TFDP2: variants seen among roughly 807,000 people sequenced by gnomAD.
TFDP2 encodes the protein transcription factor Dp-2.
A neutral mutation model predicts 59.3 loss-of-function variants in TFDP2; 17 were observed. That is an observed-to-expected ratio of 0.29 (90% CI 0.20 to 0.43). TFDP2 has a LOEUF of 0.43. TFDP2 is among the 20% of genes least tolerant of loss of function. The probability of loss-of-function intolerance (pLI) is 1.00; values close to 1 mark genes in which losing one functional copy is unlikely to be tolerated. For synonymous variants in TFDP2, 180 were observed against 194.7 expected (o/e 0.92, Z 0.63); for missense variants, 391 against 528.8 (o/e 0.74, Z 2.56).
At chr3:142,050,223 C>T (rs1947542923) in intron 3 of TFDP2, among the ~76,000 whole-genome samples, 1 of 148,468 alleles carries the variant, frequency 6.7e-6, no homozygotes, top group Non-Finnish European at 1.5e-5. Context: ...AAGATCCAGC[C>T]ACTGCACTCC....
At chr3:141,984,814 G>A (rs1322918989) in intron 6 of TFDP2, among the ~76,000 whole-genome samples, 2 of 152,164 alleles carry the variant, frequency 1.3e-5, no homozygotes, top group East Asian at 1.9e-4. Context: ...TGTAGTTTAT[G>A]TATTATGTAT....
chr3:142,082,057 T>C (rs1371937152), intron 3 of TFDP2, among the ~76,000 whole-genome samples: 1 of 152,170 alleles, frequency 6.6e-6, no homozygotes, highest in East Asian at 1.9e-4. Flanking sequence ...CAGCTTCATC[T>C]GTATTTACAG....
chr3:142,009,466 T>C (rs6440057), intron 3 of TFDP2, among the ~76,000 whole-genome samples: 39,254 of 151,802 alleles, frequency 0.26, 5,105 homozygotes, highest in African/African-American at 0.28. Flanking sequence ...AATCCCAGCA[T>C]TTTGGGAAGC....
At chr3:142,088,859 G>T (rs1379592507) in intron 3 of TFDP2, among the ~76,000 whole-genome samples, 3 of 149,788 alleles carry the variant, frequency 2.0e-5, no homozygotes. Flanking sequence ...ACGGAGTCTT[G>T]CTCTGTCACC....
At chr3:141,984,007 C>T (rs191910185) in intron 6 of TFDP2, among the ~76,000 whole-genome samples, 3 of 152,310 alleles carry the variant, frequency 2.0e-5, no homozygotes, top group African/African-American at 2.4e-5. Context: ...GATATTTGTA[C>T]ACCCATGCTC....
Position 141,949,196 on chromosome 3 carries a change from A to G in TFDP2, c.*3317T>C, listed in dbSNP as rs571859367. ...GGCAGAGTACTGTTAACAACTGTAA[A>G]ATTTGCTAATGGAAGGAGTTATCCT... is the stretch of plus-strand genomic sequence containing the variant. On this transcript the variant is annotated 3_prime_UTR_variant, in exon 13 of 13. Coordinates refer to ENST00000489671, the MANE Select transcript of TFDP2 (RefSeq NM_001178139.2). 8 of 152,278 alleles carry G rather than the reference A, an allele frequency of 5.3e-5. No homozygotes were observed. The South Asian group carries it at 1.7e-3, about 32-fold the overall frequency. 9.4% of individuals were successfully genotyped at this position (152,278 alleles called of 1,614,324 possible).
intron 3 of TFDP2, among the ~76,000 whole-genome samples, chr3:142,090,439 A>G (rs1251701057): frequency 1.3e-5 from 2 of 152,192 alleles, no homozygotes; most frequent in Non-Finnish European, 2.9e-5. Context: ...CAGGGCTAAC[A>G]TTTATAACTA....
chr3:142,021,245 C>T (rs1395308697), intron 3 of TFDP2, among the ~76,000 whole-genome samples: 1 of 152,116 alleles, frequency 6.6e-6, no homozygotes, highest in Non-Finnish European at 1.5e-5. Flanking sequence ...TTAAAGTGAC[C>T]TCTGGAACCT....
chr3:142,012,396 T>C (rs999051170), intron 3 of TFDP2, among the ~76,000 whole-genome samples: 2 of 152,214 alleles, frequency 1.3e-5, no homozygotes, highest in Non-Finnish European at 2.9e-5. Context: ...CTGGCTTCTG[T>C]GACATCATGA....
intron 6 of TFDP2, among the ~76,000 whole-genome samples, chr3:141,988,166 G>A (rs1258290074): frequency 3.3e-5 from 5 of 152,042 alleles, no homozygotes; most frequent in East Asian, 1.9e-4. Context: ...GGCTAGTCTC[G>A]AATTCTTGGG....
intron 1 of TFDP2, among the ~76,000 whole-genome samples, chr3:142,116,251 G>GAT (rs1226104646): frequency 6.6e-6 from 1 of 152,072 alleles, no homozygotes; most frequent in Non-Finnish European, 1.5e-5. Context: ...TTTTGGTAGA[G>GAT]ATAGAGTCTC....
intron 3 of TFDP2, among the ~76,000 whole-genome samples, chr3:142,083,404 A>G (rs1244781723): frequency 1.3e-5 from 2 of 152,230 alleles, no homozygotes; most frequent in African/African-American, 4.8e-5. Flanking sequence ...TAGAAGAATC[A>G]GTATTGTTAA....
At chr3:142,139,452 T>C (rs1300882169) in intron 1 of TFDP2, among the ~76,000 whole-genome samples, 1 of 152,226 alleles carries the variant, frequency 6.6e-6, no homozygotes, top group African/African-American at 2.4e-5. Context: ...ATACAGTTTC[T>C]TCATAGCATT....
intron 1 of TFDP2, among the ~76,000 whole-genome samples, chr3:142,125,034 GA>G (rs201061658): frequency 4.7e-5 from 7 of 149,566 alleles, no homozygotes; most frequent in South Asian, 4.2e-4. Flanking sequence ...CATCTTTACC[GA>G]AAAAAAAAAA....
At chr3:141,953,466 A>G (rs1576436709) in intron 11 of TFDP2, among the ~76,000 whole-genome samples, 1 of 152,114 alleles carries the variant, frequency 6.6e-6, no homozygotes, top group Non-Finnish European at 1.5e-5. Flanking sequence ...CACCCTGCTT[A>G]GAGGGCAGAC....
intron 3 of TFDP2, among the ~76,000 whole-genome samples, chr3:142,054,694 T>G (rs184593226): frequency 6.6e-6 from 1 of 151,884 alleles, no homozygotes; most frequent in South Asian, 2.1e-4. Flanking sequence ...CCCAGCTGAT[T>G]TGTGATTTGT....
chr3:141,954,754 C>A (rs1936373035), intron 11 of TFDP2, among the ~76,000 whole-genome samples: 1 of 152,032 alleles, frequency 6.6e-6, no homozygotes, highest in Admixed American at 6.6e-5. Context: ...ATTCTATAAG[C>A]CCAAACACAT....
At chr3:141,999,680 G>A (rs2108229640) in intron 4 of TFDP2, among the ~76,000 whole-genome samples, 1 of 151,968 alleles carries the variant, frequency 6.6e-6, no homozygotes, top group Non-Finnish European at 1.5e-5. Context: ...AAGTTCAAAG[G>A]GCAAGCACAA....
At chr3:141,968,559 TATAG>T (rs1246836857) in intron 9 of TFDP2, among the ~76,000 whole-genome samples, 2 of 110,844 alleles carry the variant, frequency 1.8e-5, no homozygotes, top group South Asian at 2.6e-4. Flanking sequence ...ATCTCATATA[TATAG>T]ATATATATAA....
Sources: gnomAD v4.1 joint callset for allele counts (sites outside exome capture counted in the v4.1 genomes callset) on GRCh38, gnomAD v4.1.1 for gene constraint, MANE v1.5 for transcripts, NCBI Gene and HGNC (gene_info 2026-07-23, HGNC 2026-07-21) for gene names.